NTM: variants seen among roughly 807,000 people sequenced by gnomAD.
NTM encodes the protein neurotrimin.
In NTM, 13 loss-of-function variants were observed where a neutral mutation model predicts 42.1. That is an observed-to-expected ratio of 0.31 (90% CI 0.20 to 0.49). The LOEUF is 0.49. Among genes scored for constraint, NTM ranks in the 20% least tolerant of loss-of-function variants. The probability of loss-of-function intolerance (pLI) is 0.99; values close to 1 mark genes in which losing one functional copy is unlikely to be tolerated. For missense variants in NTM, 373 were observed against 452.8 expected, an observed-to-expected ratio of 0.82 and a Z score of 1.60; for synonymous variants, 187 against 179.2, an observed-to-expected ratio of 1.04 and a Z score of -0.35.
intron 2 of NTM, among the ~76,000 whole-genome samples, chr11:132,124,251 C>T (rs1218318104): frequency 6.6e-6 from 1 of 152,128 alleles, no homozygotes. Flanking sequence ...TGTCTCCTGT[C>T]TCCATCCCTT....
intron 2 of NTM, among the ~76,000 whole-genome samples, chr11:132,107,207 C>T (rs538242202): frequency 1.2e-4 from 18 of 152,194 alleles, no homozygotes; most frequent in African/African-American, 4.3e-4. Context: ...ATAGAGTCCT[C>T]TTCTGATTTC....
intron 2 of NTM, among the ~76,000 whole-genome samples, chr11:132,130,144 C>T (rs2066558478): frequency 6.6e-6 from 1 of 152,186 alleles, no homozygotes; most frequent in South Asian, 2.1e-4. Flanking sequence ...GGAACCTAGT[C>T]TGATATTCCC....
intron 1 of NTM, among the ~76,000 whole-genome samples, chr11:131,796,762 G>A (rs1005851994): frequency 6.6e-6 from 1 of 152,140 alleles, no homozygotes; most frequent in African/African-American, 2.4e-5. Context: ...TAGGGCCCTG[G>A]GGAGGATAGC....
chr11:131,849,220 T>A (rs962465700), intron 1 of NTM, among the ~76,000 whole-genome samples: 3 of 152,200 alleles, frequency 2.0e-5, no homozygotes, highest in African/African-American at 7.2e-5. Flanking sequence ...TTGTTCCTAA[T>A]GTGTTTTGGG....
At chr11:131,802,982 T>C (rs985832883) in intron 1 of NTM, among the ~76,000 whole-genome samples, 2 of 152,166 alleles carry the variant, frequency 1.3e-5, no homozygotes, top group African/African-American at 2.4e-5. Context: ...CAGCTCCAGA[T>C]TGTCGAGTAC....
At chr11:131,638,422 C>T (rs1462466211) in intron 1 of NTM, among the ~76,000 whole-genome samples, 2 of 151,876 alleles carry the variant, frequency 1.3e-5, no homozygotes, top group Admixed American at 6.6e-5. Context: ...AAAAATTAGC[C>T]GGGCATGATG....
intron 4 of NTM, among the ~76,000 whole-genome samples, chr11:132,268,355 A>G (rs753336198): frequency 2.6e-5 from 4 of 152,184 alleles, no homozygotes; most frequent in African/African-American, 9.7e-5. Context: ...TATCACAACC[A>G]TGCAAAGTAG....
chr11:131,560,370 T>C (rs1364020572), intron 1 of NTM, among the ~76,000 whole-genome samples: 1 of 152,202 alleles, frequency 6.6e-6, no homozygotes, highest in African/African-American at 2.4e-5. Flanking sequence ...AAAAATACAC[T>C]ATACAAGGTC....
At chr11:131,565,087 C>T (rs976949554) in intron 1 of NTM, among the ~76,000 whole-genome samples, 5 of 152,202 alleles carry the variant, frequency 3.3e-5, no homozygotes, top group East Asian at 3.9e-4. Flanking sequence ...AGAAGAACAG[C>T]ACTTCTGAGG....
At chr11:132,154,081 C>T (rs150579560) in intron 3 of NTM, among the ~76,000 whole-genome samples, 33 of 152,170 alleles carry the variant, frequency 2.2e-4, no homozygotes, top group Non-Finnish European at 2.2e-4. Context: ...AGAGTGAGGA[C>T]GCTAATATGG....
At chr11:131,874,410 A>G (rs2048291179) in intron 1 of NTM, among the ~76,000 whole-genome samples, 1 of 152,178 alleles carries the variant, frequency 6.6e-6, no homozygotes, top group South Asian at 2.1e-4. Context: ...AAAAAAACCA[A>G]GCAGCAGCAA....
chr11:132,038,046 G>A (rs2076722224), intron 2 of NTM, among the ~76,000 whole-genome samples: 2 of 152,216 alleles, frequency 1.3e-5, no homozygotes, highest in South Asian at 4.1e-4. Context: ...ACACACATGG[G>A]GCAGAGAGGA....
intron 1 of NTM, among the ~76,000 whole-genome samples, chr11:131,492,054 A>G (rs1052540314): frequency 6.6e-6 from 1 of 152,156 alleles, no homozygotes; most frequent in Non-Finnish European, 1.5e-5. Flanking sequence ...ACATTCAAGA[A>G]TTTGCCCTAG....
chr11:132,336,450 G>A lies in NTM; in HGVS notation c.*1304G>A, dbSNP rs1367366315. 1 of 151,742 alleles carries A rather than the reference G, an allele frequency of 6.6e-6. No homozygotes were observed. The allele number at this position is 151,742 out of a possible 1,614,324, so 9.4% of individuals were successfully genotyped here. ...TCTTTCCAGGTGTGGCTCTGCGCTA[G>A]GCCACCCCAGGTGGCCCCGCTTTCT... is the stretch of plus-strand genomic sequence containing the variant. On this transcript the variant is annotated 3_prime_UTR_variant, in exon 9 of 9. Coordinates refer to ENST00000683400, the MANE Select transcript of NTM (RefSeq NM_001352005.2).
chr11:131,398,947 GA>G (rs1355028139), intron 1 of NTM, among the ~76,000 whole-genome samples: 5 of 152,138 alleles, frequency 3.3e-5, no homozygotes, highest in African/African-American at 9.7e-5. Flanking sequence ...CAGTGGTTGA[GA>G]AAAAATTACA....
rs553642125 is a variant in NTM at position 131,910,487 on chromosome 11, C to G, written c.83-1077C>G. Among the ~76,000 whole-genome samples, 816 of 146,704 alleles carry G rather than the reference C, an allele frequency of 5.6e-3. 4 individuals are homozygous for G. The highest frequency in any genetic ancestry group is 7.2e-3 in the Non-Finnish European group (470 of 65,636). ...CCGCGCCCCGCGCCCCGCGCCCTCC[C>G]GCCGGGATGAGAGCGCAGTCCGCGC... On this transcript the variant is annotated intron_variant, in intron 1 of 8. Coordinates refer to ENST00000683400, the MANE Select transcript of NTM (RefSeq NM_001352005.2).
At chr11:132,207,472 T>A (rs752619743) in intron 3 of NTM, among the ~76,000 whole-genome samples, 7 of 152,200 alleles carry the variant, frequency 4.6e-5, no homozygotes, top group Non-Finnish European at 8.8e-5. Flanking sequence ...AGTTGTATAA[T>A]TATTTCATTA....
chr11:131,993,679 G>A (rs576362781), intron 2 of NTM, among the ~76,000 whole-genome samples: 34 of 151,986 alleles, frequency 2.2e-4, no homozygotes, highest in Non-Finnish European at 1.9e-4. Flanking sequence ...AAATTAAAGG[G>A]GATTGAGAAG....
At chr11:132,012,745 CCATACACAGTAG>C (rs2072501708) in intron 2 of NTM, among the ~76,000 whole-genome samples, 1 of 152,036 alleles carries the variant, frequency 6.6e-6, no homozygotes, top group African/African-American at 2.4e-5. Context: ...CAAGCTAAAT[CCATACACAGTAG>C]TGAAGGTGCT....
Sources: gnomAD v4.1 joint callset for allele counts (sites outside exome capture counted in the v4.1 genomes callset) on GRCh38, gnomAD v4.1.1 for gene constraint, MANE v1.5 for transcripts, NCBI Gene and HGNC (gene_info 2026-07-23, HGNC 2026-07-21) for gene names.